The following PRKN variants were observed in gnomAD, a reference collection of about 807,000 sequenced individuals.
The protein encoded by PRKN is parkin RBR E3 ubiquitin protein ligase, also known as E3 ubiquitin-protein ligase parkin.
Under a neutral mutation model 59.5 loss-of-function variants are expected in PRKN, and 56 were observed. The ratio of observed to expected loss-of-function variants is 0.94; its 90% CI spans 0.76 to 1.18. PRKN has a LOEUF of 1.18. Ranked by LOEUF, PRKN falls within the 50% of genes most tolerant of loss-of-function variation. The probability of loss-of-function intolerance (pLI) is 0.00; values close to 1 mark genes in which losing one functional copy is unlikely to be tolerated. For synonymous variants in PRKN, 250 were observed against 222.1 expected, an observed-to-expected ratio of 1.13 and a Z score of -1.12; for missense variants, 657 against 596.4, an observed-to-expected ratio of 1.10 and a Z score of -1.06.
At chr6:161,415,269 C>G (rs1787784687) in intron 9 of PRKN, among the ~76,000 whole-genome samples, 1 of 152,114 alleles carries the variant, frequency 6.6e-6, no homozygotes, top group Non-Finnish European at 1.5e-5. Context: ...GCCTTAAACT[C>G]ATTTTATATA....
chr6:161,895,446 G>C (rs1777577145), intron 6 of PRKN, among the ~76,000 whole-genome samples: 4 of 152,108 alleles, frequency 2.6e-5, no homozygotes, highest in Admixed American at 2.6e-4. Flanking sequence ...AACACTGCCT[G>C]GGTCCCCCTG....
At chr6:161,430,826 A>G (rs1583057493) in intron 9 of PRKN, among the ~76,000 whole-genome samples, 1 of 149,778 alleles carries the variant, frequency 6.7e-6, no homozygotes, top group East Asian at 2.0e-4. Flanking sequence ...AAAAAAAAAA[A>G]AAAAAAAAAA....
chr6:162,400,237 A>C (rs561813431), intron 2 of PRKN, among the ~76,000 whole-genome samples: 12 of 152,054 alleles, frequency 7.9e-5, no homozygotes, highest in African/African-American at 2.4e-4. Flanking sequence ...ACAACAAAAA[A>C]AAAAAACAAA....
chr6:162,406,392 T>C (rs1397783611), intron 2 of PRKN, among the ~76,000 whole-genome samples: 8 of 152,230 alleles, frequency 5.3e-5, no homozygotes, highest in Non-Finnish European at 1.2e-4. Flanking sequence ...GAGTTCAATG[T>C]GAACTTTATT....
intron 6 of PRKN, among the ~76,000 whole-genome samples, chr6:161,948,689 C>A (rs1426393515): frequency 1.3e-5 from 2 of 152,030 alleles, no homozygotes; most frequent in Non-Finnish European, 1.5e-5. Context: ...ATGAGACATG[C>A]GAAGGCCTTG....
At position 161,728,203 on chromosome 6, in the gene PRKN, G is replaced by A. The variant is rs551224244; in HGVS notation, c.871+57569C>T. ...AAAGTTCTCTCAGTTCTCAGCAGGT[G>A]GAGCTAGGAGAATGATTGTTTTTCT... is the stretch of plus-strand genomic sequence containing the variant. On this transcript the variant is annotated intron_variant, in intron 7 of 11. Transcript: ENST00000366898. Among the ~76,000 whole-genome samples the A allele has an allele frequency of 5.3e-5, 8 of 151,908 alleles. No homozygotes were observed. In the South Asian group the frequency reaches 1.7e-3, roughly 31 times the overall value.
intron 7 of PRKN, among the ~76,000 whole-genome samples, chr6:161,683,960 T>A (rs1785464842): frequency 6.6e-6 from 1 of 152,228 alleles, no homozygotes; most frequent in African/African-American, 2.4e-5. Flanking sequence ...TATCCCTGAA[T>A]TATCTGCATA....
chr6:161,389,928 T>C (rs945642115), intron 9 of PRKN, among the ~76,000 whole-genome samples: 2 of 152,174 alleles, frequency 1.3e-5, no homozygotes, highest in South Asian at 2.1e-4. Flanking sequence ...CTACAAAGAA[T>C]GGACTATTGA....
At chr6:162,320,415 A>C (rs1320666478) in intron 2 of PRKN, among the ~76,000 whole-genome samples, 1 of 132,950 alleles carries the variant, frequency 7.5e-6, no homozygotes, top group African/African-American at 3.3e-5. Flanking sequence ...CAAGCAAAAA[A>C]AACCAAAAAA....
At position 161,462,357 on chromosome 6, in the gene PRKN, C is replaced by T. The variant is rs967877031; in HGVS notation, c.1084-75480G>A. On this transcript the variant is annotated intron_variant, in intron 9 of 11. Transcript: ENST00000366898. This position sits in a 1 kb window ranked among gnomAD's most constrained non-coding sequence, Gnocchi z 4.5. ...CTGGCATAAGCTGGCATTTTTCAGT[C>T]GAAATACCACAGGGAGAGGTATTTT... Among the ~76,000 whole-genome samples, 3 of 152,118 alleles carry T rather than the reference C, an allele frequency of 2.0e-5. No individual in the cohort carries two copies. The highest frequency in any genetic ancestry group is 3.9e-4 in the East Asian group (2 of 5,188).
At chr6:161,817,160 C>G (rs1791819632) in intron 6 of PRKN, among the ~76,000 whole-genome samples, 2 of 152,182 alleles carry the variant, frequency 1.3e-5, no homozygotes. Flanking sequence ...TTAAAAACTC[C>G]TGGAGCCCCC....
chr6:161,879,734 T>C (rs1794862874), intron 6 of PRKN, among the ~76,000 whole-genome samples: 1 of 152,226 alleles, frequency 6.6e-6, no homozygotes, highest in Non-Finnish European at 1.5e-5. Context: ...AGAAACTTGA[T>C]ACTCTGAAAA....
At chr6:161,421,872 T>C (rs545068227) in intron 9 of PRKN, among the ~76,000 whole-genome samples, 2 of 152,258 alleles carry the variant, frequency 1.3e-5, no homozygotes, top group Non-Finnish European at 2.9e-5. Context: ...GTTGAAGAAA[T>C]TCTTGGTATA....
At position 161,548,327 on chromosome 6, in the gene PRKN, T is replaced by C. The variant is rs1779867625; in HGVS notation, c.1083+527A>G. Among the ~76,000 whole-genome samples, 1 of 152,232 alleles carries C rather than the reference T, an allele frequency of 6.6e-6. No individual in the cohort carries two copies. The highest frequency in any genetic ancestry group is 1.5e-5 in the Non-Finnish European group (1 of 68,048). On this transcript the variant is annotated intron_variant, in intron 9 of 11. Coordinates refer to ENST00000366898, the MANE Select transcript of PRKN (RefSeq NM_004562.3). This position sits in a 1 kb window ranked among gnomAD's most constrained non-coding sequence, Gnocchi z 4.2. The stretch of plus-strand genomic sequence containing the variant: ...TAGAACAAACATTTTCCACATTTCT[T>C]ATTCTGCTTCCATAAGAGACACCAT...
intron 4 of PRKN, among the ~76,000 whole-genome samples, chr6:162,125,663 C>T (rs1781096229): frequency 6.6e-6 from 1 of 152,178 alleles, no homozygotes; most frequent in South Asian, 2.1e-4. Context: ...TGCAACACAT[C>T]TTCTATTTCT....
chr6:161,534,509 T>C (rs1251384422), intron 9 of PRKN, among the ~76,000 whole-genome samples: 4 of 152,162 alleles, frequency 2.6e-5, no homozygotes, highest in Non-Finnish European at 4.4e-5. Flanking sequence ...ACACGAGCAA[T>C]GTGATACACG....
At chr6:162,004,460 C>G (rs937192733) in intron 5 of PRKN, among the ~76,000 whole-genome samples, 1 of 152,142 alleles carries the variant, frequency 6.6e-6, no homozygotes, top group Admixed American at 6.6e-5. Context: ...TATAGCAGAG[C>G]AAGAATGCAC....
chr6:162,444,394 G>A (rs1562769602), intron 1 of PRKN, among the ~76,000 whole-genome samples: 6 of 151,894 alleles, frequency 4.0e-5, no homozygotes, highest in Admixed American at 1.3e-4. Flanking sequence ...GGCTGGTGAG[G>A]AAAGACTCCA....
At chr6:162,565,173 C>T (rs1780006193) in intron 1 of PRKN, among the ~76,000 whole-genome samples, 1 of 151,984 alleles carries the variant, frequency 6.6e-6, no homozygotes, top group Non-Finnish European at 1.5e-5. Flanking sequence ...TTTGTTTATG[C>T]AATTGGTGTT....
Sources: gnomAD v4.1 joint callset for allele counts (sites outside exome capture counted in the v4.1 genomes callset) on GRCh38, gnomAD v4.1.1 for gene constraint, Gnocchi (gnomAD v3.1) non-coding constraint, MANE v1.5 for transcripts, NCBI Gene and HGNC (gene_info 2026-07-23, HGNC 2026-07-21) for gene names.